SPIDR: variants seen among roughly 807,000 people sequenced by gnomAD.
SPIDR encodes the protein scaffold protein involved in DNA repair.
SPIDR carries 93 observed loss-of-function variants against 104.6 expected under a neutral mutation model. The ratio of observed to expected loss-of-function variants is 0.89; its 90% CI spans 0.75 to 1.06. The LOEUF (loss-of-function observed/expected upper bound fraction) is 1.06, where lower values mean the gene tolerates loss of function less well. Ranked by LOEUF, SPIDR falls within the 50% of genes least tolerant of loss-of-function variation. The probability of loss-of-function intolerance (pLI) is 0.00; values close to 1 mark genes in which losing one functional copy is unlikely to be tolerated. For synonymous variants in SPIDR, 431 were observed against 416.9 expected, an observed-to-expected ratio of 1.03 and a Z score of -0.41; for missense variants, 1,154 against 1,111.2, an observed-to-expected ratio of 1.04 and a Z score of -0.55.
chr8:47,498,115 T>A (rs1166276345), intron 8 of SPIDR, among the ~76,000 whole-genome samples: 1 of 152,200 alleles, frequency 6.6e-6, no homozygotes, highest in Non-Finnish European at 1.5e-5. Flanking sequence ...CTTTCAATGT[T>A]GAAACAAAGA....
At chr8:47,424,150 T>A (rs1229294502) in intron 7 of SPIDR, among the ~76,000 whole-genome samples, 1 of 152,108 alleles carries the variant, frequency 6.6e-6, no homozygotes, top group Non-Finnish European at 1.5e-5. Context: ...CCTACTTGTT[T>A]TAGGGGCAGG....
intron 8 of SPIDR, among the ~76,000 whole-genome samples, chr8:47,558,014 C>T (rs890365851): frequency 3.3e-5 from 5 of 152,170 alleles, no homozygotes; most frequent in Admixed American, 1.3e-4. Flanking sequence ...AACATGGATG[C>T]AGCTGGAGGC....
At chr8:47,327,526 G>A (rs1264045128) in intron 5 of SPIDR, among the ~76,000 whole-genome samples, 4 of 151,482 alleles carry the variant, frequency 2.6e-5, no homozygotes, top group Admixed American at 1.3e-4. Flanking sequence ...TCAGCCTCTC[G>A]AGTAGCTGGG....
chr8:47,382,410 T>G (rs977006528), intron 5 of SPIDR, among the ~76,000 whole-genome samples: 9 of 152,322 alleles, frequency 5.9e-5, no homozygotes, highest in African/African-American at 1.9e-4. Context: ...ATTTTTAAAT[T>G]TAAAGTTTTT....
chr8:47,349,009 A>T (rs2052822956), intron 5 of SPIDR, among the ~76,000 whole-genome samples: 1 of 152,208 alleles, frequency 6.6e-6, no homozygotes, highest in Non-Finnish European at 1.5e-5. Context: ...AGGAGCTGCG[A>T]TCCTTTGGAG....
intron 8 of SPIDR, among the ~76,000 whole-genome samples, chr8:47,471,184 A>G (rs190590999): frequency 6.6e-6 from 1 of 152,356 alleles, no homozygotes; most frequent in Non-Finnish European, 1.5e-5. Context: ...GAACTCTATC[A>G]AAATTTGGAA....
In SPIDR at chr8:47,312,936, A is replaced by C. The variant is rs587648430; in HGVS notation, c.525+18906A>C. ...AAGGGATCCAGTTTCAGCTTTCTAC[A>C]TATGGCTAGCCAGTTTTCCCAGCAC... is the stretch of plus-strand genomic sequence containing the variant. On this transcript the variant is annotated intron_variant, in intron 5 of 19. Coordinates refer to ENST00000297423, the MANE Select transcript of SPIDR (RefSeq NM_001080394.4). Among the ~76,000 whole-genome samples the C allele has an allele frequency of 7.5e-3, 1,141 of 152,308 alleles. 13 individuals are homozygous for C. Among genetic ancestry groups the C allele is most frequent in the African/African-American group, 0.026 (1,094 of 41,558 alleles).
At chr8:47,458,126 G>A (rs2073309397) in intron 8 of SPIDR, among the ~76,000 whole-genome samples, 8 of 151,932 alleles carry the variant, frequency 5.3e-5, no homozygotes, top group Admixed American at 4.6e-4. Context: ...GAAGAATGAT[G>A]GTGGTATTTT....
At chr8:47,491,786 G>C (rs980200771) in intron 8 of SPIDR, among the ~76,000 whole-genome samples, 7 of 152,166 alleles carry the variant, frequency 4.6e-5, no homozygotes, top group Middle Eastern at 3.4e-3. Context: ...TGAGTTCAAG[G>C]CTGTAGTGAA....
At chr8:47,710,782 AT>A (rs893813607) in intron 14 of SPIDR, among the ~76,000 whole-genome samples, 1 of 147,496 alleles carries the variant, frequency 6.8e-6, no homozygotes, top group Non-Finnish European at 1.5e-5. Context: ...AATTTTTTTA[AT>A]TTTTTTTTTC....
intron 10 of SPIDR, among the ~76,000 whole-genome samples, chr8:47,624,952 C>T (rs1042827387): frequency 3.9e-5 from 6 of 152,140 alleles, no homozygotes; most frequent in South Asian, 4.1e-4. Context: ...AATTTTAGAC[C>T]AATGTCCTTG....
chr8:47,291,017 T>C lies in SPIDR; in HGVS notation c.257-16T>C, dbSNP rs2039819514. On this transcript the variant is annotated splice_polypyrimidine_tract_variant and intron_variant, in intron 3 of 19. Transcript: ENST00000297423. ...ATAAGGAGATCATATTTATGTGCTT[T>C]CTTTTCCTTCAACAGAAACCACCAC... is the stretch of plus-strand genomic sequence containing the variant. The C allele has an allele frequency of 6.3e-7, 1 of 1,590,602 alleles. No individual in the cohort carries two copies. The highest frequency in any genetic ancestry group is 1.3e-5 in the African/African-American group (1 of 74,392).
intron 2 of SPIDR, among the ~76,000 whole-genome samples, chr8:47,281,048 A>G (rs1405908964): frequency 6.6e-6 from 1 of 152,234 alleles, no homozygotes; most frequent in Non-Finnish European, 1.5e-5. Context: ...TAAAGTGATC[A>G]CATGAATTCT....
intron 8 of SPIDR, among the ~76,000 whole-genome samples, chr8:47,585,573 T>C (rs2060172292): frequency 6.6e-6 from 1 of 152,190 alleles, no homozygotes; most frequent in African/African-American, 2.4e-5. Context: ...CTGTTGCTTA[T>C]AACAGAATAC....
At chr8:47,371,863 A>C (rs2058074818) in intron 5 of SPIDR, among the ~76,000 whole-genome samples, 1 of 152,054 alleles carries the variant, frequency 6.6e-6, no homozygotes, top group African/African-American at 2.4e-5. Context: ...GTGATGTGTT[A>C]ATCTCCTTTC....
At chr8:47,395,231 C>G (rs533920041) in intron 5 of SPIDR, among the ~76,000 whole-genome samples, 4 of 152,190 alleles carry the variant, frequency 2.6e-5, no homozygotes, top group African/African-American at 9.6e-5. Flanking sequence ...CACCTGTAAT[C>G]CCAGCTACTT....
At chr8:47,450,225 G>A (rs1007612756) in intron 8 of SPIDR, among the ~76,000 whole-genome samples, 6 of 152,130 alleles carry the variant, frequency 3.9e-5, no homozygotes, top group Non-Finnish European at 8.8e-5. Flanking sequence ...CAAGAGCATA[G>A]CACCACTATT....
intron 14 of SPIDR, among the ~76,000 whole-genome samples, chr8:47,706,781 A>G (rs1471532712): frequency 6.6e-6 from 1 of 152,204 alleles, no homozygotes; most frequent in East Asian, 1.9e-4. Flanking sequence ...GCTTAAAACA[A>G]TAGAAATGTA....
chr8:47,658,040 AAAAAAAAAAGAAAAAGAAAAAG>A (rs2073212158), intron 10 of SPIDR, among the ~76,000 whole-genome samples: 1 of 151,058 alleles, frequency 6.6e-6, no homozygotes, highest in South Asian at 2.1e-4. Context: ...AAAAAAAAAA[AAAAAAAAAAGAAAAAGAAAAAG>A]AAAAAAAAAG....
Sources: allele counts gnomAD v4.1 joint callset (sites outside exome capture counted in the v4.1 genomes callset), GRCh38; gene constraint gnomAD v4.1.1; transcripts MANE v1.5; gene names NCBI Gene and HGNC (gene_info 2026-07-23, HGNC 2026-07-21).